Variants in FRMPD3 observed in about 807,000 individuals in gnomAD.
FRMPD3 encodes the protein FERM and PDZ domain-containing protein 3.
Under a neutral mutation model 97.9 loss-of-function variants are expected in FRMPD3, and 42 were observed. The ratio of observed to expected loss-of-function variants is 0.43; its 90% CI spans 0.34 to 0.55. The LOEUF (loss-of-function observed/expected upper bound fraction) is 0.55. FRMPD3 is among the 20% of genes least tolerant of loss of function. The pLI is 0.03. For missense variants in FRMPD3, 1,303 were observed against 1,457.7 expected, an observed-to-expected ratio of 0.89 and a Z score of 1.73; for synonymous variants, 577 against 581.1, an observed-to-expected ratio of 0.99 and a Z score of 0.10.
rs757579243 is a variant in FRMPD3, at chrX:107,597,424, C to T, written c.1545C>T (p.Arg515=). 3.3e-6 allele frequency: 4 copies of T among 1,209,165 alleles called. No individual in the cohort carries two copies. The African/African-American group carries it at 7.0e-5, about 21-fold the overall frequency. ...GCACCAGCCCCAGGAAATCGAGCCG[C>T]TGCACGCCCCCACCTGCCGACTCTG... ...SVGTSPRKSS[R]CTPPPADSEL... Residue 515 remains arginine (R), a synonymous_variant, in exon 14 of 15, where the codon CGC becomes CGT. Transcript: ENST00000683843.
chrX:107,522,220 T>C (rs958065240), intron 1 of FRMPD3, among the ~76,000 whole-genome samples: 4 of 111,635 alleles, frequency 3.6e-5, no homozygotes, highest in Admixed American at 2.8e-4. Context: ...TTGGCTCCCC[T>C]TCTCTGCTCC....
intron 12 of FRMPD3, among the ~76,000 whole-genome samples, chrX:107,565,689 T>A (rs1223964326): frequency 2.1e-5 from 2 of 95,788 alleles, no homozygotes; most frequent in Non-Finnish European, 4.0e-5. Context: ...AGTGAAACCC[T>A]GTCTCAAAAA....
chrX:107,566,827 G>A (rs1282003248), intron 12 of FRMPD3, among the ~76,000 whole-genome samples: 1 of 112,377 alleles, frequency 8.9e-6, no homozygotes, highest in Non-Finnish European at 1.9e-5. Context: ...AGCTCTGGGA[G>A]GAAACAGGCT....
In FRMPD3 at chrX:107,600,293, G is replaced by C; in HGVS notation, c.2264-10G>C. ...AGTAAGCATAACAAGCCCTATCCCT[G>C]TTCCTCCAGGTCTGATTGTGCTGGC... On this transcript the variant is annotated splice_polypyrimidine_tract_variant and intron_variant, in intron 14 of 14. Transcript: ENST00000683843. 1 of 1,194,413 alleles carries C rather than the reference G, an allele frequency of 8.4e-7. No homozygotes were observed. Among genetic ancestry groups the C allele is most frequent in the Non-Finnish European group, 1.1e-6 (1 of 885,549 alleles).
At chrX:107,570,972 C>G (rs142005280) in intron 12 of FRMPD3, among the ~76,000 whole-genome samples, 255 of 111,872 alleles carry the variant, frequency 2.3e-3, no homozygotes, top group African/African-American at 7.9e-3. Context: ...TGAAGATGGC[C>G]TGGGCATATT....
At chrX:107,561,651 G>A (rs144245527) in intron 10 of FRMPD3, among the ~76,000 whole-genome samples, 123 of 112,269 alleles carry the variant, frequency 1.1e-3, no homozygotes, top group African/African-American at 3.5e-3. Context: ...GTGGTGAGAC[G>A]CACTAGAATC....
At chrX:107,455,285 T>C (rs752632721) in intron 1 of FRMPD3, among the ~76,000 whole-genome samples, 1 of 112,396 alleles carries the variant, frequency 8.9e-6, no homozygotes, top group East Asian at 2.8e-4. Context: ...CTGGGTGTGG[T>C]GGCTCAGGCC....
chrX:107,457,218 G>T (rs2147886269), intron 1 of FRMPD3, among the ~76,000 whole-genome samples: 1 of 110,685 alleles, frequency 9.0e-6, no homozygotes, highest in South Asian at 3.9e-4. Context: ...GAGGCCATCT[G>T]CTCTGTTTTT....
chrX:107,545,720 C>T lies in FRMPD3; in HGVS notation c.298-17C>T, dbSNP rs759479971. 1 of 1,183,595 alleles carries T rather than the reference C, an allele frequency of 8.4e-7. No homozygotes were observed. The highest frequency in any genetic ancestry group is 1.1e-6 in the Non-Finnish European group (1 of 870,769). ...CCTAGATATGGAGAACTCACCATCT[C>T]TCTGTTCTTTTTCCAGTCCCCCAAA... On this transcript the variant is annotated splice_polypyrimidine_tract_variant and intron_variant, in intron 4 of 14. Transcript: ENST00000683843.
chrX:107,490,019 G>T (rs1397697637), intron 1 of FRMPD3, among the ~76,000 whole-genome samples: 1 of 111,906 alleles, frequency 8.9e-6, no homozygotes, highest in Non-Finnish European at 1.9e-5. Context: ...TTTGTATAAG[G>T]TGTAAGGAAG....
chrX:107,511,005 A>G (rs1685283948), intron 1 of FRMPD3, among the ~76,000 whole-genome samples: 3 of 112,397 alleles, frequency 2.7e-5, no homozygotes, highest in Admixed American at 1.9e-4. Context: ...AGGGAGGAGC[A>G]GGTAGACATC....
Position 107,560,597 on chromosome X carries a change from C to T in FRMPD3, c.900-130C>T, listed in dbSNP as rs1922313757. The T allele has an allele frequency of 3.3e-6, 3 of 901,127 alleles. No homozygotes were observed. The South Asian group carries it at 7.7e-5, about 23-fold the overall frequency. 74.3% of individuals were successfully genotyped at this position (901,127 alleles called of 1,213,427 possible). A position where few individuals can be genotyped will look rare whatever the true frequency, so the allele number is the denominator to read the frequency against. On this transcript the variant is annotated intron_variant, in intron 9 of 14. Coordinates refer to ENST00000683843, the MANE Select transcript of FRMPD3 (RefSeq NM_001388459.1). Reference sequence around the variant, plus strand: ...GCTAATGTTATTTTCCTATCCCTGTCCCTTTTTCTTTCTCCCAGTCTCTAT... The same window carrying T: ...GCTAATGTTATTTTCCTATCCCTGTTCCTTTTTCTTTCTCCCAGTCTCTAT...
chrX:107,523,434 G>C (rs1381148005), intron 1 of FRMPD3, among the ~76,000 whole-genome samples: 1 of 111,664 alleles, frequency 9.0e-6, no homozygotes, highest in African/African-American at 3.3e-5. Flanking sequence ...TGCACCTATG[G>C]ACAGAGTTTG....
intron 1 of FRMPD3, among the ~76,000 whole-genome samples, chrX:107,488,092 T>C (rs1005248950): frequency 8.9e-6 from 1 of 111,785 alleles, no homozygotes; most frequent in Non-Finnish European, 1.9e-5. Context: ...TCCTGTTTAA[T>C]GTTACCACAC....
chrX:107,539,028 C>T (rs111267424), intron 4 of FRMPD3, among the ~76,000 whole-genome samples: 6,834 of 111,041 alleles, frequency 0.062, 554 homozygotes, highest in African/African-American at 0.21. Context: ...TTAATAGTCA[C>T]TTCTGATTCA....
intron 14 of FRMPD3, among the ~76,000 whole-genome samples, chrX:107,599,031 T>A (rs1328988923): frequency 9.0e-6 from 1 of 111,311 alleles, no homozygotes; most frequent in Non-Finnish European, 1.9e-5. Context: ...CCAGCACTTT[T>A]GGAGGCCGAG....
intron 2 of FRMPD3, among the ~76,000 whole-genome samples, chrX:107,526,992 G>A (rs749956100): frequency 1.4e-4 from 16 of 111,491 alleles, no homozygotes; most frequent in Admixed American, 5.7e-4. Flanking sequence ...TCTTAATAAA[G>A]CTTCCCTTTG....
chrX:107,592,150 T>C (rs891136198), intron 13 of FRMPD3, among the ~76,000 whole-genome samples: 1 of 110,026 alleles, frequency 9.1e-6, no homozygotes, highest in Non-Finnish European at 1.9e-5. Flanking sequence ...TGCATCCTCA[T>C]AGCTTAGCTC....
chrX:107,565,285 A>G lies in FRMPD3; in HGVS notation c.1296+219A>G, dbSNP rs912288181. Among the ~76,000 whole-genome samples, 6 of 112,167 alleles carry G rather than the reference A, an allele frequency of 5.3e-5. No homozygotes were observed. The Admixed American group carries it at 5.6e-4, about 11-fold the overall frequency. ...AGGTCAGCCAGCACTAAGGAATGCT[A>G]TGGAGAGTCAGATCAGCCTGAGACA... On this transcript the variant is annotated intron_variant, in intron 12 of 14. Coordinates refer to ENST00000683843, the MANE Select transcript of FRMPD3 (RefSeq NM_001388459.1).
Sources: allele counts gnomAD v4.1 joint callset (sites outside exome capture counted in the v4.1 genomes callset), GRCh38; gene constraint gnomAD v4.1.1; transcripts MANE v1.5; gene names NCBI Gene and HGNC (gene_info 2026-07-23, HGNC 2026-07-21).